Variants in ZNF343 observed in about 807,000 individuals in gnomAD.
ZNF343 encodes the protein zinc finger protein 343.
A neutral mutation model predicts 13.8 loss-of-function variants in ZNF343; 11 were observed. The ratio of observed to expected loss-of-function variants is 0.80; its 90% CI spans 0.50 to 1.32. The LOEUF (loss-of-function observed/expected upper bound fraction) is 1.32. Among genes scored for constraint, ZNF343 ranks in the 40% most tolerant of loss-of-function variants. ZNF343 has a pLI of 0.00. For synonymous variants in ZNF343, 248 were observed against 260.0 expected (o/e 0.95, Z 0.44); for missense variants, 658 against 714.2 (o/e 0.92, Z 0.90).
chr20:2,493,521 C>G lies in ZNF343; in HGVS notation c.175G>C (p.Val59Leu), dbSNP rs754641752. The change falls in exon 4 of 6, where the codon GTG becomes CTG. Residue 59 changes from valine (V) to leucine (L), a missense_variant and splice_region_variant. By Grantham distance (32) the Val-to-Leu change is conservative (BLOSUM62 1). Coordinates refer to ENST00000278772, the MANE Select transcript of ZNF343 (RefSeq NM_024325.6). ...PQKKEGKAQIVVPVTFRDVTV... is the reference protein window; with the variant it reads ...PQKKEGKAQILVPVTFRDVTV... ...AAAAAAATGTAACCCCAACTCACCA[C>G]TATTTGGGCCTTTCCCTCCTTTTTC... 29 of 1,613,156 alleles carry G rather than the reference C, an allele frequency of 1.8e-5. No individual in the cohort carries two copies. In the Admixed American group the frequency reaches 4.7e-4, roughly 26 times the overall value.
rs1481287142 is a variant in ZNF343 at position 2,492,694 on chromosome 20, C to A, written c.304+5G>T. The A allele has an allele frequency of 2.5e-6, 4 of 1,610,676 alleles. No homozygotes were observed. In the African/African-American group the frequency reaches 4.0e-5, roughly 16 times the overall value. On this transcript the variant is annotated splice_donor_5th_base_variant and intron_variant, in intron 5 of 5. Coordinates refer to ENST00000278772, the MANE Select transcript of ZNF343 (RefSeq NM_024325.6). ...AATGAAGGAAAGGAAAGAACACAGCCTTACCCAATGAGAGAAGATTCCTGT... is the reference window on the plus strand; with the variant it reads ...AATGAAGGAAAGGAAAGAACACAGCATTACCCAATGAGAGAAGATTCCTGT...
intron 1 of ZNF343, among the ~76,000 whole-genome samples, chr20:2,522,701 T>C (rs1473650210): frequency 2.0e-5 from 3 of 152,198 alleles, no homozygotes; most frequent in Non-Finnish European, 2.9e-5. Flanking sequence ...GTAATCCCAA[T>C]ACTTTGGGAG....
At chr20:2,487,764 AG>A (rs1409476540) in intron 5 of ZNF343, among the ~76,000 whole-genome samples, 2 of 152,376 alleles carry the variant, frequency 1.3e-5, no homozygotes, top group East Asian at 3.9e-4. Flanking sequence ...TAATGGCTGC[AG>A]CATTTCTGCA....
chr20:2,515,002 CAAAAAAAA>C (rs34761814), intron 1 of ZNF343, among the ~76,000 whole-genome samples: 1 of 94,578 alleles, frequency 1.1e-5, no homozygotes, highest in Non-Finnish European at 2.2e-5. Flanking sequence ...GACATTGTAT[CAAAAAAAA>C]AAAAGAAGAA....
At chr20:2,523,462 CT>C (rs1280906665) in intron 1 of ZNF343, among the ~76,000 whole-genome samples, 18 of 142,452 alleles carry the variant, frequency 1.3e-4, no homozygotes, top group Non-Finnish European at 1.1e-4. Flanking sequence ...CTTTTTTTTT[CT>C]TTTTTTTACA....
chr20:2,506,946 A>G (rs2085668473), intron 1 of ZNF343, among the ~76,000 whole-genome samples: 1 of 15,378 alleles, frequency 6.5e-5, no homozygotes, highest in South Asian at 2.2e-3. Flanking sequence ...AAAGTATAAT[A>G]AAAAAAAAAA....
At chr20:2,519,592 A>ATG (rs1385412877) in intron 1 of ZNF343, among the ~76,000 whole-genome samples, 1 of 152,156 alleles carries the variant, frequency 6.6e-6, no homozygotes, top group Non-Finnish European at 1.5e-5. Context: ...GTGTGTGTGC[A>ATG]TGTGTGTGTA....
chr20:2,496,786 A>G (rs968144163), intron 2 of ZNF343, among the ~76,000 whole-genome samples: 3 of 152,174 alleles, frequency 2.0e-5, no homozygotes, highest in Non-Finnish European at 4.4e-5. Flanking sequence ...TTGGAAGGAT[A>G]AGACTTACCA....
At chr20:2,516,079 G>A (rs115522565) in intron 1 of ZNF343, among the ~76,000 whole-genome samples, 2,222 of 152,210 alleles carry the variant, frequency 0.015, 67 homozygotes, top group African/African-American at 0.051. Context: ...TGGGGGCTAG[G>A]GTGAGGGTGA....
intron 4 of ZNF343, 88 bp from the exon 5 acceptor site, chr20:2,492,913 G>GAT: frequency 5.8e-6 from 9 of 1,559,232 alleles, no homozygotes; most frequent in Non-Finnish European, 7.8e-6. Flanking sequence ...GGAGAGCCTG[G>GAT]ATATGCAAGT....
chr20:2,493,075 T>C (rs922014361), intron 4 of ZNF343: 50 of 525,296 alleles, frequency 9.5e-5, no homozygotes, highest in Admixed American at 9.2e-4. Context: ...GGAGAAATGA[T>C]TTGTGAATTA....
At position 2,518,775 on chromosome 20, in the gene ZNF343, A is replaced by G. The variant is rs921046623; in HGVS notation, c.-347+5680T>C. Among the ~76,000 whole-genome samples, 4 of 152,052 alleles carry G rather than the reference A, an allele frequency of 2.6e-5. No individual in the cohort carries two copies. The highest frequency in any genetic ancestry group is 5.9e-5 in the Non-Finnish European group (4 of 68,016). On this transcript the variant is annotated intron_variant, in intron 1 of 6. Transcript: ENST00000358413. The surrounding 1 kb of genome is among the most constrained non-coding windows in gnomAD (Gnocchi z 4.6). ...GTGCCTACCCTTGCAGCCCACACCC[A>G]CTGATAATGGTTTGGCTCTGTGTTC...
At chr20:2,522,232 C>A (rs958361229) in intron 1 of ZNF343, among the ~76,000 whole-genome samples, 1 of 152,176 alleles carries the variant, frequency 6.6e-6, no homozygotes, top group South Asian at 2.1e-4. Context: ...TTCCACATAA[C>A]AAGTTAGGTT....
At chr20:2,503,021 C>A (rs570198541) in intron 1 of ZNF343, among the ~76,000 whole-genome samples, 136 of 152,218 alleles carry the variant, frequency 8.9e-4, no homozygotes, top group African/African-American at 3.1e-3. Context: ...GACTGGCAAA[C>A]TGGATAAAGA....
intron 1 of ZNF343, among the ~76,000 whole-genome samples, chr20:2,519,043 C>A (rs2085771850): frequency 1.3e-5 from 2 of 152,162 alleles, no homozygotes; most frequent in Admixed American, 1.3e-4. Context: ...TGAGGCCTAC[C>A]CAGCCATGTG....
chr20:2,489,741 C>T (rs571114582), intron 5 of ZNF343, among the ~76,000 whole-genome samples: 2 of 152,138 alleles, frequency 1.3e-5, no homozygotes, highest in East Asian at 3.9e-4. Context: ...CTGGCCTAAG[C>T]TTATTAAACT....
At chr20:2,490,565 T>C (rs2085352124) in intron 5 of ZNF343, among the ~76,000 whole-genome samples, 1 of 150,118 alleles carries the variant, frequency 6.7e-6, no homozygotes, top group South Asian at 2.1e-4. Flanking sequence ...GAGATGGAGT[T>C]TTGCTCTTGT....
intron 4 of ZNF343, chr20:2,493,102 C>T: frequency 4.0e-6 from 2 of 499,926 alleles, no homozygotes; most frequent in South Asian, 4.5e-5. Context: ...AAACCTCAGG[C>T]TGTGTTTAAG....
intron 2 of ZNF343, among the ~76,000 whole-genome samples, chr20:2,495,087 C>A (rs956682922): frequency 2.0e-5 from 3 of 152,204 alleles, no homozygotes; most frequent in Non-Finnish European, 2.9e-5. Context: ...CCTATTGTTG[C>A]CTAGTACCCT....
Sources: gnomAD v4.1 joint callset for allele counts (sites outside exome capture counted in the v4.1 genomes callset) on GRCh38, gnomAD v4.1.1 for gene constraint, Gnocchi (gnomAD v3.1) non-coding constraint, MANE v1.5 for transcripts, NCBI Gene and HGNC (gene_info 2026-07-23, HGNC 2026-07-21) for gene names.